MAN1A1: variants seen among roughly 807,000 people sequenced by gnomAD.
MAN1A1 encodes mannosyl-oligosaccharide 1,2-alpha-mannosidase IA.
In MAN1A1, 29 loss-of-function variants were observed where a neutral mutation model predicts 70.8. That is an observed-to-expected ratio of 0.41 (90% confidence interval 0.31 to 0.56). The LOEUF is 0.56. Among genes scored for constraint, MAN1A1 ranks in the 20% least tolerant of loss-of-function variants. The probability of loss-of-function intolerance (pLI) is 0.29; values close to 1 mark genes in which losing one functional copy is unlikely to be tolerated. For missense variants in MAN1A1, 747 were observed against 841.3 expected (o/e 0.89, Z 1.39); for synonymous variants, 349 against 330.1 (o/e 1.06, Z -0.62).
At chr6:119,287,342 GT>G (rs764520216) in intron 5 of MAN1A1, among the ~76,000 whole-genome samples, 9 of 151,968 alleles carry the variant, frequency 5.9e-5, no homozygotes, top group Non-Finnish European at 1.3e-4. Context: ...ATAGCTATTG[GT>G]TTCTGTTGTA....
intron 2 of MAN1A1, among the ~76,000 whole-genome samples, chr6:119,309,361 C>A (rs1021632102): frequency 1.3e-4 from 20 of 152,172 alleles, no homozygotes; most frequent in Admixed American, 1.2e-3. Context: ...TTTGAAACAT[C>A]AAAAGGCTAC....
At chr6:119,188,950 C>T (rs1773366070) in intron 10 of MAN1A1, among the ~76,000 whole-genome samples, 2 of 152,106 alleles carry the variant, frequency 1.3e-5, no homozygotes, top group South Asian at 4.1e-4. Context: ...TTCTGATCTG[C>T]AGTTGTGGAA....
intron 9 of MAN1A1, among the ~76,000 whole-genome samples, chr6:119,190,865 T>C (rs1181802498): frequency 1.3e-5 from 2 of 152,200 alleles, no homozygotes; most frequent in African/African-American, 2.4e-5. Flanking sequence ...CTCCAATTAC[T>C]CTAACAGAAA....
At chr6:119,234,418 A>AT (rs917565318) in intron 6 of MAN1A1, among the ~76,000 whole-genome samples, 4 of 149,046 alleles carry the variant, frequency 2.7e-5, no homozygotes, top group Non-Finnish European at 4.5e-5. Flanking sequence ...ATTAAAAAAA[A>AT]TTTTTTTTTT....
At position 119,236,429 on chromosome 6, in the gene MAN1A1, T is replaced by G. The variant is rs77657202; in HGVS notation, c.992+11831A>C. On this transcript the variant is annotated intron_variant, in intron 6 of 12. Transcript: ENST00000368468. ...CATGGATTGAGGAGTAATTTTGAGC[T>G]GGGTGTGGTGGCTCACGCCTGTAAT... is the stretch of plus-strand genomic sequence containing the variant. Among the ~76,000 whole-genome samples the G allele has an allele frequency of 5.9e-3, 898 of 152,230 alleles. 30 individuals are homozygous for G. In the East Asian group the frequency reaches 0.09, roughly 15 times the overall value.
intron 2 of MAN1A1, among the ~76,000 whole-genome samples, chr6:119,310,446 G>A (rs867519641): frequency 2.6e-4 from 39 of 152,118 alleles, no homozygotes; most frequent in African/African-American, 8.2e-4. Flanking sequence ...TAAAATTTCC[G>A]TAGTTTGTAG....
chr6:119,336,139 G>A (rs1387238840), intron 2 of MAN1A1, among the ~76,000 whole-genome samples: 3 of 152,204 alleles, frequency 2.0e-5, no homozygotes, highest in East Asian at 1.9e-4. Flanking sequence ...GCACAATCTC[G>A]GTTCACTGCA....
intron 6 of MAN1A1, among the ~76,000 whole-genome samples, chr6:119,218,893 T>C (rs1774280178): frequency 6.6e-6 from 1 of 152,204 alleles, no homozygotes; most frequent in African/African-American, 2.4e-5. Flanking sequence ...TAATTAATCT[T>C]TCTTAAATGT....
At chr6:119,199,818 G>A (rs1423464084) in intron 8 of MAN1A1, among the ~76,000 whole-genome samples, 1 of 151,942 alleles carries the variant, frequency 6.6e-6, no homozygotes, top group Non-Finnish European at 1.5e-5. Context: ...GCGGGGGGCC[G>A]AGGTGGGAAG....
chr6:119,346,759 C>T (rs1773740085), intron 2 of MAN1A1, among the ~76,000 whole-genome samples: 1 of 152,172 alleles, frequency 6.6e-6, no homozygotes, highest in Admixed American at 6.5e-5. Context: ...ATCTTTTCCT[C>T]GGACAACTGT....
chr6:119,194,417 G>A (rs528370998), intron 8 of MAN1A1, among the ~76,000 whole-genome samples: 223 of 152,154 alleles, frequency 1.5e-3, no homozygotes, highest in Non-Finnish European at 2.9e-3. Context: ...TCGAACTCCC[G>A]AGCTCAAGTG....
chr6:119,288,482 G>T (rs1243536530), intron 5 of MAN1A1, among the ~76,000 whole-genome samples: 1 of 151,898 alleles, frequency 6.6e-6, no homozygotes, highest in Non-Finnish European at 1.5e-5. Flanking sequence ...ATTTTGATAT[G>T]AATACAAATA....
chr6:119,295,420 G>A (rs1348863860), intron 4 of MAN1A1, among the ~76,000 whole-genome samples: 1 of 148,148 alleles, frequency 6.8e-6, no homozygotes, highest in Non-Finnish European at 1.5e-5. Flanking sequence ...TTTGCTTGAG[G>A]AGCTATATCG....
intron 5 of MAN1A1, among the ~76,000 whole-genome samples, chr6:119,259,483 A>AT (rs1775548428): frequency 6.6e-6 from 1 of 152,186 alleles, no homozygotes; most frequent in Non-Finnish European, 1.5e-5. Flanking sequence ...TAAGCTACTC[A>AT]TTTTTTCATT....
rs761301244 is a variant in MAN1A1 at position 119,179,409 on chromosome 6, T to C, written c.*410A>G. On this transcript the variant is annotated 3_prime_UTR_variant, in exon 13 of 13. Transcript: ENST00000368468. Reference sequence around the variant, plus strand: ...AAAAGCTTTTTTATACTTATTATTATGGCTTTTTGCAACATGGCAAAACAT... The same window carrying C: ...AAAAGCTTTTTTATACTTATTATTACGGCTTTTTGCAACATGGCAAAACAT... 3.1e-4 allele frequency: 48 copies of C among 154,348 alleles called. No homozygotes were observed. Among genetic ancestry groups the C allele is most frequent in the Non-Finnish European group, 5.1e-4 (35 of 69,026 alleles). The allele number at this position is 154,348 out of a possible 1,614,324, so 9.6% of individuals were successfully genotyped here.
intron 2 of MAN1A1, among the ~76,000 whole-genome samples, chr6:119,314,645 G>C (rs180782680): frequency 7.9e-4 from 120 of 152,170 alleles, no homozygotes; most frequent in African/African-American, 2.8e-3. Flanking sequence ...AGTCATCTGA[G>C]GCCTCTGAGC....
chr6:119,193,981 C>T, intron 8 of MAN1A1, 89 bp from the exon 9 acceptor site: 1 of 691,198 alleles, frequency 1.4e-6, no homozygotes. Flanking sequence ...GGATGCAACC[C>T]TATGTCAACT....
At chr6:119,316,873 A>T (rs918058862) in intron 2 of MAN1A1, among the ~76,000 whole-genome samples, 1 of 151,840 alleles carries the variant, frequency 6.6e-6, no homozygotes, top group Admixed American at 6.5e-5. Flanking sequence ...ATGAAAATGA[A>T]TTAGCTTGAA....
At chr6:119,271,990 A>C (rs76088566) in intron 5 of MAN1A1, among the ~76,000 whole-genome samples, 1 of 152,190 alleles carries the variant, frequency 6.6e-6, no homozygotes, top group Non-Finnish European at 1.5e-5. Flanking sequence ...AAGGAAGTAA[A>C]GTGACAGAAT....
Sources: gnomAD v4.1 joint callset for allele counts (sites outside exome capture counted in the v4.1 genomes callset) on GRCh38, gnomAD v4.1.1 for gene constraint, MANE v1.5 for transcripts, NCBI Gene and HGNC (gene_info 2026-07-23, HGNC 2026-07-21) for gene names.